The following ANK3 variants were observed in gnomAD, a reference collection of about 807,000 sequenced individuals.
ANK3 encodes the protein ankyrin 3.
Under a neutral mutation model 370.9 loss-of-function variants are expected in ANK3, and 57 were observed. The ratio of observed to expected loss-of-function variants is 0.15; its 90% CI spans 0.12 to 0.19. The LOEUF (loss-of-function observed/expected upper bound fraction) is 0.19, where lower values mean the gene tolerates loss of function less well. Ranked by LOEUF, ANK3 falls within the 10% of genes least tolerant of loss-of-function variation. ANK3 has a pLI of 1.00. For missense variants in ANK3, 4,439 were observed against 5,302.1 expected, an observed-to-expected ratio of 0.84 and a Z score of 5.06; for synonymous variants, 1,929 against 1,946.3, an observed-to-expected ratio of 0.99 and a Z score of 0.23.
At chr10:60,302,064 TGG>T (rs936636419) in intron 1 of ANK3, among the ~76,000 whole-genome samples, 1 of 152,022 alleles carries the variant, frequency 6.6e-6, no homozygotes, top group Non-Finnish European at 1.5e-5. Flanking sequence ...TGGGGTACAG[TGG>T]GGGAGGAAAA....
Position 60,481,616 on chromosome 10 carries a change from C to A in ANK3, c.96+133570G>T, listed in dbSNP as rs1416573841. Reference sequence around the variant, plus strand: ...TAGCTGGGATCACAGGTGCCTGCCACCATGCCCGGCTAATTTTTTATATTT... The same window carrying A: ...TAGCTGGGATCACAGGTGCCTGCCAACATGCCCGGCTAATTTTTTATATTT... On this transcript the variant is annotated intron_variant, in intron 2 of 43. Coordinates refer to the ANK3 transcript ENST00000373827. Among the ~76,000 whole-genome samples the A allele has an allele frequency of 2.6e-5, 4 of 152,146 alleles. No homozygotes were observed. In the East Asian group the frequency reaches 7.7e-4, roughly 29 times the overall value.
At chr10:60,381,510 G>C (rs1250627631) in intron 1 of ANK3, among the ~76,000 whole-genome samples, 1 of 152,206 alleles carries the variant, frequency 6.6e-6, no homozygotes, top group Non-Finnish European at 1.5e-5. Flanking sequence ...GTTTGGGAAT[G>C]ACAGTCTCTT....
intron 2 of ANK3, among the ~76,000 whole-genome samples, chr10:60,530,028 T>C (rs1355051521): frequency 6.6e-6 from 1 of 152,012 alleles, no homozygotes; most frequent in Non-Finnish European, 1.5e-5. Context: ...GAAACAAGAC[T>C]CCAGTCTTGA....
At chr10:60,713,732 A>G (rs906143577) in intron 1 of ANK3, among the ~76,000 whole-genome samples, 35 of 152,124 alleles carry the variant, frequency 2.3e-4, no homozygotes, top group African/African-American at 8.0e-4. Flanking sequence ...TCTACTAAAA[A>G]TACAAAAATT....
At chr10:60,313,366 A>G (rs1161600725) in intron 1 of ANK3, among the ~76,000 whole-genome samples, 1 of 152,238 alleles carries the variant, frequency 6.6e-6, no homozygotes, top group Non-Finnish European at 1.5e-5. Flanking sequence ...TGTAAAATAT[A>G]ATTGAGATTG....
intron 23 of ANK3, 55 bp from the exon 24 acceptor site, chr10:60,139,142 C>T: frequency 6.3e-7 from 1 of 1,588,742 alleles, no homozygotes; most frequent in Non-Finnish European, 8.6e-7. Flanking sequence ...AAAGTGTCAG[C>T]TGTGGAGAAA....
At chr10:60,108,768 A>T in intron 27 of ANK3, 62 bp downstream of exon 27, 1 of 1,417,270 alleles carries the variant, frequency 7.1e-7, no homozygotes, top group Middle Eastern at 1.8e-4. Context: ...TGAGTTAACA[A>T]GGGTAAAGAA....
chr10:60,541,685 G>T (rs557888066), intron 2 of ANK3, among the ~76,000 whole-genome samples: 1 of 151,960 alleles, frequency 6.6e-6, no homozygotes, highest in African/African-American at 2.4e-5. Context: ...CTAAAAGTGT[G>T]GCTAAAGATG....
At chr10:60,595,997 C>T (rs550986624) in intron 2 of ANK3, among the ~76,000 whole-genome samples, 20 of 152,218 alleles carry the variant, frequency 1.3e-4, no homozygotes, top group African/African-American at 3.6e-4. Context: ...ATCCTTTCCC[C>T]GTAATTCTTC....
At chr10:60,563,979 A>C (rs572523712) in intron 2 of ANK3, among the ~76,000 whole-genome samples, 9 of 152,310 alleles carry the variant, frequency 5.9e-5, no homozygotes, top group African/African-American at 1.9e-4. Flanking sequence ...AGAAAGTTCT[A>C]AGTGCACAAT....
intron 1 of ANK3, among the ~76,000 whole-genome samples, chr10:60,707,639 T>G (rs1277361245): frequency 6.6e-6 from 1 of 151,062 alleles, no homozygotes; most frequent in African/African-American, 2.4e-5. Context: ...AAATTTTATA[T>G]AGATTATAGA....
intron 2 of ANK3, among the ~76,000 whole-genome samples, chr10:60,532,877 G>A (rs898963363): frequency 3.9e-5 from 6 of 152,078 alleles, no homozygotes; most frequent in Non-Finnish European, 5.9e-5. Context: ...TGTTGGGCAG[G>A]GAACAACCTG....
chr10:60,189,883 C>T (rs1254257514), intron 16 of ANK3, among the ~76,000 whole-genome samples: 3 of 152,186 alleles, frequency 2.0e-5, no homozygotes, highest in African/African-American at 7.2e-5. Context: ...TAATTTTTTT[C>T]AAGAACTTTC....
At chr10:60,034,691 A>G (rs1001655022) in intron 43 of ANK3, among the ~76,000 whole-genome samples, 5 of 152,086 alleles carry the variant, frequency 3.3e-5, no homozygotes, top group Admixed American at 3.3e-4. Flanking sequence ...ACTCATCTTT[A>G]AGACTTAGCT....
At chr10:60,065,884 G>A (rs142866843) in intron 38 of ANK3, among the ~76,000 whole-genome samples, 1,576 of 151,988 alleles carry the variant, frequency 0.01, 7 homozygotes, top group Non-Finnish European at 0.016. Flanking sequence ...TACATCTATT[G>A]GATATTTTTT....
upstream of ANK3, among the ~76,000 whole-genome samples, chr10:60,393,174 G>A (rs955736130): frequency 1.2e-4 from 18 of 152,094 alleles, no homozygotes; most frequent in African/African-American, 3.9e-4. Context: ...ACATAACAGC[G>A]GAGCTGCATG....
At chr10:60,666,504 G>A (rs2078997998) in intron 1 of ANK3, among the ~76,000 whole-genome samples, 1 of 152,088 alleles carries the variant, frequency 6.6e-6, no homozygotes, top group African/African-American at 2.4e-5. Flanking sequence ...GGAGATGAGT[G>A]TTTGCACAAC....
intron 1 of ANK3, among the ~76,000 whole-genome samples, chr10:60,374,276 A>G (rs1427970660): frequency 6.6e-6 from 1 of 152,166 alleles, no homozygotes; most frequent in African/African-American, 2.4e-5. Context: ...GTGACTTTTC[A>G]TCAGATGTCT....
chr10:60,232,591 T>C (rs2097262716), intron 8 of ANK3, among the ~76,000 whole-genome samples: 1 of 152,116 alleles, frequency 6.6e-6, no homozygotes, highest in South Asian at 2.1e-4. Flanking sequence ...AAGACAGTCA[T>C]TTAGGGGTCG....
Sources: allele counts gnomAD v4.1 joint callset (sites outside exome capture counted in the v4.1 genomes callset), GRCh38; gene constraint gnomAD v4.1.1; transcripts MANE v1.5; gene names NCBI Gene and HGNC (gene_info 2026-07-23, HGNC 2026-07-21).